The following UBAP2 variants were observed in gnomAD, a reference collection of about 807,000 sequenced individuals.
The protein encoded by UBAP2 is ubiquitin associated protein 2.
Under a neutral mutation model 139.6 loss-of-function variants are expected in UBAP2, and 75 were observed. The observed-to-expected ratio is 0.54, with a 90% CI of 0.45 to 0.65. The LOEUF (loss-of-function observed/expected upper bound fraction) is 0.65, where lower values mean the gene tolerates loss of function less well. Among genes scored for constraint, UBAP2 ranks in the 30% least tolerant of loss-of-function variants. UBAP2 has a pLI of 0.00. For synonymous variants in UBAP2, 526 were observed against 526.2 expected, an observed-to-expected ratio of 1.00 and a Z score of 0.01; for missense variants, 1,368 against 1,369.6, an observed-to-expected ratio of 1.00 and a Z score of 0.02.
At chr9:33,995,515 A>C (rs933171426) in intron 4 of UBAP2, 2 of 117,554 alleles carry the variant, frequency 1.7e-5, no homozygotes, top group Non-Finnish European at 1.7e-5. Context: ...TTATATTATT[A>C]AATATATAAA....
chr9:33,937,627 G>T (rs1269304566), intron 16 of UBAP2, among the ~76,000 whole-genome samples: 7 of 138,628 alleles, frequency 5.0e-5, no homozygotes, highest in African/African-American at 1.9e-4. Context: ...AAAAAATTAA[G>T]CTGGGCACAA....
intron 1 of UBAP2, among the ~76,000 whole-genome samples, chr9:34,030,161 G>A (rs1317237927): frequency 6.7e-6 from 1 of 150,154 alleles, no homozygotes; most frequent in Non-Finnish European, 1.5e-5. Context: ...AATCAGCCAG[G>A]TGAGCCGGGC....
intron 5 of UBAP2, 97 bp from the exon 6 acceptor site, chr9:33,986,934 A>G: frequency 9.4e-7 from 1 of 1,065,502 alleles, no homozygotes; most frequent in Non-Finnish European, 1.4e-6. Context: ...GGAATGACAA[A>G]CAGGCTACAA....
intron 1 of UBAP2, among the ~76,000 whole-genome samples, chr9:34,044,669 C>T (rs1351304046): frequency 6.6e-6 from 1 of 151,952 alleles, no homozygotes; most frequent in South Asian, 2.1e-4. Context: ...GTTCCAAGAC[C>T]AATATGGCCA....
chr9:34,005,023 G>A (rs1320396401), intron 2 of UBAP2, among the ~76,000 whole-genome samples: 1 of 152,038 alleles, frequency 6.6e-6, no homozygotes, highest in Non-Finnish European at 1.5e-5. Context: ...AGCACTTTGG[G>A]AGGCTGAGGC....
At chr9:33,988,924 C>T in intron 5 of UBAP2, 49 bp downstream of exon 5, 1 of 1,568,826 alleles carries the variant, frequency 6.4e-7, no homozygotes, top group Non-Finnish European at 8.6e-7. Context: ...GCGGGAGGGT[C>T]ACTTGAGATG....
At chr9:34,034,960 C>T (rs2131343694) in intron 1 of UBAP2, among the ~76,000 whole-genome samples, 1 of 152,218 alleles carries the variant, frequency 6.6e-6, no homozygotes, top group Middle Eastern at 3.4e-3. Flanking sequence ...AGAAAAATTA[C>T]CTTCCAAGCA....
Position 33,921,853 on chromosome 9 carries a change from T to C in UBAP2, c.*651A>G, listed in dbSNP as rs1822908537. ...GCTGAATAACTCAGATTATTTTTTT[T>C]TTTTTCATGGTCAGCCAGTCTCTAG... On this transcript the variant is annotated 3_prime_UTR_variant, in exon 29 of 29. Transcript: ENST00000379238. 6.6e-6 allele frequency: 1 copy of C among 152,524 alleles called. No individual in the cohort carries two copies. The highest frequency in any genetic ancestry group is 2.4e-5 in the African/African-American group (1 of 41,414). The allele number at this position is 152,524 out of a possible 1,614,324, so 9.4% of individuals were successfully genotyped here.
intron 8 of UBAP2, among the ~76,000 whole-genome samples, chr9:33,965,037 T>C (rs1827340872): frequency 6.6e-6 from 1 of 152,248 alleles, no homozygotes; most frequent in African/African-American, 2.4e-5. Flanking sequence ...ATTTGTTTGC[T>C]ATCCATTTAT....
intron 1 of UBAP2, among the ~76,000 whole-genome samples, chr9:34,019,858 A>G (rs775591991): frequency 2.6e-5 from 4 of 151,954 alleles, no homozygotes; most frequent in Non-Finnish European, 2.9e-5. Flanking sequence ...TCCTAGAACA[A>G]ACAAAACAAA....
chr9:34,005,434 C>CAA lies in UBAP2; in HGVS notation c.100-6572_100-6571dup, dbSNP rs36086568. On this transcript the variant is annotated intron_variant, in intron 2 of 28. Transcript: ENST00000379238. ...TGGAAGCCAGGGCAAGACCCTGTCTCAAAAAAAAAAAAAAAAAAAAAAAAT... is the reference window on the plus strand; with the variant it reads ...TGGAAGCCAGGGCAAGACCCTGTCTCAAAAAAAAAAAAAAAAAAAAAAAAAAT... 7.3e-3 allele frequency among the ~76,000 whole-genome samples: 633 copies of CAA among 86,226 alleles called. 8 individuals carry two copies. Among genetic ancestry groups the CAA allele is most frequent in the African/African-American group, 0.026 (585 of 22,882 alleles). 56.6% of individuals were successfully genotyped at this position (86,226 alleles called of 152,430 possible). A position where few individuals can be genotyped will look rare whatever the true frequency, so the allele number is the denominator to read the frequency against.
At chr9:33,989,190 T>C (rs1299193649) in intron 4 of UBAP2, 64 bp from the exon 5 acceptor site, 37 of 1,460,496 alleles carry the variant, frequency 2.5e-5, no homozygotes, top group Non-Finnish European at 3.2e-5. Context: ...CAAAGGCACA[T>C]GCATGTATCT....
intron 8 of UBAP2, among the ~76,000 whole-genome samples, chr9:33,965,457 C>T (rs536392091): frequency 6.6e-6 from 1 of 152,198 alleles, no homozygotes; most frequent in South Asian, 2.1e-4. Context: ...ATAAAATGTA[C>T]TTTGTCAATT....
intron 12 of UBAP2, chr9:33,952,651 GAC>G (rs1451712830): frequency 6.5e-6 from 1 of 153,500 alleles, no homozygotes; most frequent in Non-Finnish European, 1.5e-5. Flanking sequence ...TAACTATAGA[GAC>G]ATAATATGAA....
chr9:34,000,702 C>T (rs921077766), intron 2 of UBAP2, among the ~76,000 whole-genome samples: 8 of 152,174 alleles, frequency 5.3e-5, no homozygotes, highest in African/African-American at 1.4e-4. Context: ...TTTATATACA[C>T]TCATTTCAAA....
intron 5 of UBAP2, among the ~76,000 whole-genome samples, chr9:33,987,046 TA>T (rs1465698345): frequency 6.6e-6 from 1 of 152,012 alleles, no homozygotes; most frequent in Non-Finnish European, 1.5e-5. Flanking sequence ...CCAGCACTTG[TA>T]ATTTCCAGCT....
chr9:34,001,809 T>C (rs1822726207), intron 2 of UBAP2, among the ~76,000 whole-genome samples: 1 of 152,112 alleles, frequency 6.6e-6, no homozygotes, highest in African/African-American at 2.4e-5. Flanking sequence ...GGTAGCCTTG[T>C]TCCAATCCAA....
Position 33,939,994 on chromosome 9 carries a change from G to C in UBAP2, c.1929+1655C>G, listed in dbSNP as rs764879034. On this transcript the variant is annotated intron_variant, in intron 16 of 28. Coordinates refer to ENST00000379238, the MANE Select transcript of UBAP2 (RefSeq NM_001370062.2). The stretch of plus-strand genomic sequence containing the variant: ...AAAATAAGGTAGGAGGGAGGAGGGT[G>C]AGGAGGAGGGGAAAGAGGAGGGGGA... 3.2e-4 allele frequency among the ~76,000 whole-genome samples: 44 copies of C among 137,192 alleles called. 1 individual carries two copies. The highest frequency in any genetic ancestry group is 1.9e-4 in the Non-Finnish European group (12 of 63,208). 90.0% of individuals were successfully genotyped at this position (137,192 alleles called of 152,430 possible).
intron 3 of UBAP2, chr9:33,996,851 G>C (rs1277885989): frequency 6.5e-6 from 1 of 153,210 alleles, no homozygotes; most frequent in African/African-American, 2.4e-5. Context: ...GGGAGGCAGA[G>C]ACGAGAGGAT....
Sources: gnomAD v4.1 joint callset for allele counts (sites outside exome capture counted in the v4.1 genomes callset) on GRCh38, gnomAD v4.1.1 for gene constraint, MANE v1.5 for transcripts, NCBI Gene and HGNC (gene_info 2026-07-23, HGNC 2026-07-21) for gene names.